Variants in HTR3E observed in about 807,000 individuals in gnomAD.
HTR3E encodes the protein 5-hydroxytryptamine (serotonin) receptor 3, family member E.
In HTR3E, 38 loss-of-function variants were observed where a neutral mutation model predicts 38.0. That is an observed-to-expected ratio of 1.00 (90% confidence interval 0.77 to 1.31). The LOEUF (loss-of-function observed/expected upper bound fraction) is 1.31, where lower values mean the gene tolerates loss of function less well. Ranked by LOEUF, HTR3E falls within the 50% of genes most tolerant of loss-of-function variation. The pLI, the probability that HTR3E is intolerant of heterozygous loss-of-function variation, is 0.00. For missense variants in HTR3E, 547 were observed against 585.2 expected (o/e 0.93, Z 0.67); for synonymous variants, 210 against 232.9 (o/e 0.90, Z 0.89).
intron 6 of HTR3E, 67 bp downstream of exon 6, chr3:184,105,494 A>C: frequency 6.7e-7 from 1 of 1,503,346 alleles, no homozygotes; most frequent in Non-Finnish European, 9.0e-7. Flanking sequence ...ATGTCCATCA[A>C]ATATGTATCT....
chr3:184,104,793 T>C lies in HTR3E; in HGVS notation c.396T>C (p.Asp132=). The change falls in exon 5 of 9, where the codon GAT becomes GAC. Residue 132 remains aspartate, a synonymous_variant. Transcript: ENST00000415389. Reference sequence around the variant, plus strand: ...TGCGTTATCTCTCCTCCAGCATGGATGTGGATAAGACCCCAAAAGGCCTCA... The same window carrying C: ...TGCGTTATCTCTCCTCCAGCATGGACGTGGATAAGACCCCAAAAGGCCTCA... The part of the protein sequence containing the change: ...LPDIFIIELM[D]VDKTPKGLTA... The C allele has an allele frequency of 6.2e-7, 1 of 1,610,132 alleles. No individual in the cohort carries two copies. Among genetic ancestry groups the C allele is most frequent in the Non-Finnish European group, 8.5e-7 (1 of 1,178,650 alleles).
At chr3:184,100,692 C>CT (rs768138063) in intron 2 of HTR3E, 41 bp downstream of exon 2, 1 of 1,588,316 alleles carries the variant, frequency 6.3e-7, no homozygotes, top group South Asian at 1.1e-5. Context: ...TGTCCTTAAC[C>CT]TTTTTCCAGC....
chr3:184,098,452 G>A (rs903696598), intron 1 of HTR3E, among the ~76,000 whole-genome samples: 3 of 152,176 alleles, frequency 2.0e-5, no homozygotes, highest in African/African-American at 7.2e-5. Flanking sequence ...CACAGGAGAG[G>A]ACTGAACCAG....
Position 184,106,482 on chromosome 3 carries a change from T to C in HTR3E, c.1160T>C (p.Val387Ala). Residue 387 changes from valine to alanine, a missense_variant, in exon 9 of 9, where the codon GTA (valine) becomes GCA (alanine). Val to Ala is a moderately conservative substitution (Grantham distance 64, BLOSUM62 0). Transcript: ENST00000415389. The surrounding 1 kb of genome is among the most constrained non-coding windows in gnomAD (Gnocchi z 4.1). ...TCTGTAGGTGTGAAGGAGCCAGAGGTATCAGCAGGGCAGATGCCGGGCCCT... is the reference window on the plus strand; with the variant it reads ...TCTGTAGGTGTGAAGGAGCCAGAGGCATCAGCAGGGCAGATGCCGGGCCCT... ...THLPGVKEPE[V>A]SAGQMPGPAE... 6.3e-7 allele frequency: 1 copy of C among 1,599,076 alleles called. No individual in the cohort carries two copies. Among genetic ancestry groups the C allele is most frequent in the Non-Finnish European group, 8.5e-7 (1 of 1,172,522 alleles).
At chr3:184,100,800 C>G (rs1711991911) in intron 2 of HTR3E, 149 bp downstream of exon 2, 1 of 1,120,896 alleles carries the variant, frequency 8.9e-7, no homozygotes. Flanking sequence ...CAAAGAAGCT[C>G]TGTCCAGGGC....
In HTR3E at chr3:184,106,870, C is replaced by G. The variant is rs1712499406; in HGVS notation, c.*177C>G. ...CAATTCCAATCCCAGACATTTCTCC[C>G]TGTTCCTGCATTTTGTTGGCTTCCT... is the stretch of plus-strand genomic sequence containing the variant. On this transcript the variant is annotated 3_prime_UTR_variant, in exon 9 of 9. Transcript: ENST00000415389. The surrounding 1 kb of genome is among the most constrained non-coding windows in gnomAD (Gnocchi z 4.1). 1.4e-6 allele frequency: 1 copy of G among 696,936 alleles called. No individual in the cohort carries two copies. The highest frequency in any genetic ancestry group is 2.4e-6 in the Non-Finnish European group (1 of 421,034). The allele number at this position is 696,936 out of a possible 1,614,324, so 43.2% of individuals were successfully genotyped here. A position where few individuals can be genotyped will look rare whatever the true frequency, so the allele number is the denominator to read the frequency against.
chr3:184,103,027 G>A (rs763356729), intron 3 of HTR3E, among the ~76,000 whole-genome samples: 20 of 152,136 alleles, frequency 1.3e-4, no homozygotes, highest in African/African-American at 3.6e-4. Context: ...TAGAAATTAC[G>A]AAGTAATTAG....
rs780731072 is a variant in HTR3E at position 184,106,512 on chromosome 3, A to G, written c.1190A>G (p.Glu397Gly). 26 of 1,612,146 alleles carry G rather than the reference A, an allele frequency of 1.6e-5. 1 individual carries two copies. In the South Asian group the frequency reaches 2.9e-4, roughly 18 times the overall value. The stretch of plus-strand genomic sequence containing the variant: ...GCAGGGCAGATGCCGGGCCCTGCGG[A>G]GGCAGAGCTGACAGGGGGCTCAGAA... ...VSAGQMPGPA[E>G]AELTGGSEWT... Residue 397 changes from glutamate (E) to glycine (G), a missense_variant, in exon 9 of 9, where the codon GAG becomes GGG. Physicochemically the swap from Glu to Gly is moderately conservative, Grantham distance 98 (BLOSUM62 -2). Transcript: ENST00000415389. The surrounding 1 kb of genome is among the most constrained non-coding windows in gnomAD (Gnocchi z 4.1).
intron 1 of HTR3E, among the ~76,000 whole-genome samples, chr3:184,098,585 T>C (rs1711787665): frequency 7.3e-6 from 1 of 136,544 alleles, no homozygotes; most frequent in Non-Finnish European, 1.5e-5. Context: ...GAATATTCAC[T>C]GTTCTTAGAG....
At chr3:184,099,740 A>AAAAAAAAC (rs1560093087) in intron 1 of HTR3E, among the ~76,000 whole-genome samples, 18 of 53,236 alleles carry the variant, frequency 3.4e-4, no homozygotes, top group African/African-American at 1.6e-3. Context: ...AAAAAAAAAA[A>AAAAAAAAC]GAAAGAAATA....
Position 184,106,754 on chromosome 3 carries a change from T to C in HTR3E, c.*61T>C. The C allele has an allele frequency of 6.5e-7, 1 of 1,547,328 alleles. No homozygotes were observed. The highest frequency in any genetic ancestry group is 8.9e-7 in the Non-Finnish European group (1 of 1,128,836). ...CTCTTGCCTCCAGGGACTGGCCAGG[T>C]CTCCCCCCTTTCCTGAGTACCAACT... On this transcript the variant is annotated 3_prime_UTR_variant, in exon 9 of 9. Coordinates refer to ENST00000415389, the MANE Select transcript of HTR3E (RefSeq NM_001256613.2). This position sits in a 1 kb window ranked among gnomAD's most constrained non-coding sequence, Gnocchi z 4.1.
intron 6 of HTR3E, 73 bp from the exon 7 acceptor site, chr3:184,105,692 T>A (rs1712381927): frequency 1.6e-6 from 2 of 1,275,536 alleles, no homozygotes; most frequent in South Asian, 2.4e-5. Context: ...AGACAGAAAT[T>A]GTCACTGCTA....
chr3:184,100,856 C>G (rs941063460), intron 2 of HTR3E, among the ~76,000 whole-genome samples: 3 of 152,214 alleles, frequency 2.0e-5, no homozygotes, highest in Non-Finnish European at 2.9e-5. Context: ...CTTTTCTTCT[C>G]TCTCTGGCTG....
chr3:184,097,381 AG>A lies in HTR3E; in HGVS notation c.-148del, dbSNP rs1184572512. 3 of 625,168 alleles carry A rather than the reference AG, an allele frequency of 4.8e-6. No individual in the cohort carries two copies. Among genetic ancestry groups the A allele is most frequent in the Non-Finnish European group, 8.4e-6 (3 of 356,070 alleles). The allele number at this position is 625,168 out of a possible 1,614,324, so 38.7% of individuals were successfully genotyped here. A position where few individuals can be genotyped will look rare whatever the true frequency, so the allele number is the denominator to read the frequency against. On this transcript the variant is annotated 5_prime_UTR_variant, in exon 1 of 9. Transcript: ENST00000415389. ...AAGCATAGGCAAGAACAAGACAACC[AG>A]AACACTCTTTGAAGGAAGGTTACAA...
chr3:184,103,041 T>A (rs1261806121), intron 3 of HTR3E, among the ~76,000 whole-genome samples: 1 of 151,950 alleles, frequency 6.6e-6, no homozygotes, highest in Non-Finnish European at 1.5e-5. Flanking sequence ...TAATTAGAAA[T>A]GAAAATTATA....
chr3:184,102,786 A>G (rs1712134782), intron 3 of HTR3E, among the ~76,000 whole-genome samples: 3 of 151,976 alleles, frequency 2.0e-5, no homozygotes. Context: ...TTAGCCAGGC[A>G]TGGTGACATG....
At chr3:184,100,436 G>A (rs769252707) in intron 1 of HTR3E, 49 bp from the exon 2 acceptor site, 2 of 1,612,292 alleles carry the variant, frequency 1.2e-6, no homozygotes, top group East Asian at 2.2e-5. Flanking sequence ...CTCATATAGG[G>A]AGCACAGGGT....
At chr3:184,105,134 G>A in intron 5 of HTR3E, 133 bp from the exon 6 acceptor site, 5 of 1,201,246 alleles carry the variant, frequency 4.2e-6, no homozygotes, top group Non-Finnish European at 5.7e-6. Context: ...ACCATCCCAA[G>A]CTCCTGGCAA....
Position 184,097,544 on chromosome 3 carries a change from G to C in HTR3E, c.15G>C (p.Trp5Cys). Residue 5 changes from tryptophan to cysteine, a missense_variant, in exon 1 of 9, where the codon TGG (tryptophan) becomes TGC (cysteine). Coordinates refer to ENST00000415389, the MANE Select transcript of HTR3E (RefSeq NM_001256613.2). ...AGACAAAGAAGATGGAAGGAAGCTG[G>C]TTCCACAGGAAAAGATTTTCCTTCT... Reference protein sequence around the residue: MEGSWFHRKRFSFYL... With the variant: MEGSCFHRKRFSFYL... 3 of 1,535,940 alleles carry C rather than the reference G, an allele frequency of 2.0e-6. No individual in the cohort carries two copies. The highest frequency in any genetic ancestry group is 1.7e-6 in the Non-Finnish European group (2 of 1,146,764).
Sources: allele counts gnomAD v4.1 joint callset (sites outside exome capture counted in the v4.1 genomes callset), GRCh38; gene constraint gnomAD v4.1.1; non-coding constraint Gnocchi (gnomAD v3.1); transcripts MANE v1.5; gene names NCBI Gene and HGNC (gene_info 2026-07-23, HGNC 2026-07-21).